The following GAREM1 variants were observed in gnomAD, a reference collection of about 807,000 sequenced individuals.
The protein encoded by GAREM1 is GRB2-associated and regulator of MAPK protein 1.
GAREM1 carries 26 observed loss-of-function variants against 71.3 expected under a neutral mutation model. That is an observed-to-expected ratio of 0.36 (90% confidence interval 0.27 to 0.51). The LOEUF (loss-of-function observed/expected upper bound fraction) is 0.51. GAREM1 is among the 20% of genes least tolerant of loss of function. The probability of loss-of-function intolerance (pLI) is 0.95; values close to 1 mark genes in which losing one functional copy is unlikely to be tolerated. For synonymous variants in GAREM1, 440 were observed against 433.2 expected (o/e 1.02, Z -0.20); for missense variants, 1,026 against 1,103.1 (o/e 0.93, Z 0.99).
intron 1 of GAREM1, among the ~76,000 whole-genome samples, chr18:32,433,179 T>C (rs1380701864): frequency 6.7e-6 from 1 of 148,544 alleles, no homozygotes; most frequent in Admixed American, 6.7e-5. Context: ...CCACACAGGA[T>C]CGTATCAATT....
chr18:32,382,803 G>A (rs1043444484), intron 2 of GAREM1, among the ~76,000 whole-genome samples: 2 of 152,098 alleles, frequency 1.3e-5, no homozygotes, highest in African/African-American at 4.8e-5. Context: ...GGATCAACAA[G>A]ACTCGCTGCA....
chr18:32,336,429 C>CAA lies in GAREM1; in HGVS notation c.263-26108_263-26107dup, dbSNP rs35803922. Among the ~76,000 whole-genome samples the CAA allele has an allele frequency of 1.4e-3, 99 of 72,756 alleles. 1 individual carries two copies. The highest frequency in any genetic ancestry group is 8.2e-3 in the East Asian group (17 of 2,080). The allele number at this position is 72,756 out of a possible 152,430, so 47.7% of individuals were successfully genotyped here. A position where few individuals can be genotyped will look rare whatever the true frequency, so the allele number is the denominator to read the frequency against. On this transcript the variant is annotated intron_variant, in intron 2 of 5. Coordinates refer to ENST00000269209, the MANE Select transcript of GAREM1 (RefSeq NM_001242409.2). The stretch of plus-strand genomic sequence containing the variant: ...TGGGCAACAGAGCGAGACTCCGTCT[C>CAA]AAAAAAAAAAAAAAAAAAAAATCAT...
intron 2 of GAREM1, among the ~76,000 whole-genome samples, chr18:32,333,534 C>T (rs2047557603): frequency 6.6e-6 from 1 of 152,296 alleles, no homozygotes; most frequent in East Asian, 1.9e-4. Flanking sequence ...TGCTGCAATC[C>T]AGTATTCCAA....
intron 3 of GAREM1, among the ~76,000 whole-genome samples, chr18:32,291,942 C>T (rs956136509): frequency 6.6e-6 from 1 of 152,158 alleles, no homozygotes; most frequent in Non-Finnish European, 1.5e-5. Context: ...AACAGTGCTG[C>T]AATAAATATA....
chr18:32,278,874 CT>C (rs1344351064), intron 4 of GAREM1, among the ~76,000 whole-genome samples: 1 of 152,140 alleles, frequency 6.6e-6, no homozygotes, highest in Admixed American at 6.5e-5. Flanking sequence ...GCGTGAGCTT[CT>C]TTTTTCCATT....
rs1005805329 is a variant in GAREM1 at position 32,270,120 on chromosome 18, C to T, written c.1733+97G>A. The T allele has an allele frequency of 9.3e-5, 117 of 1,259,384 alleles. 1 individual carries two copies. Among genetic ancestry groups the T allele is most frequent in the Middle Eastern group, 1.9e-4 (1 of 5,352 alleles). 78.0% of individuals were successfully genotyped at this position (1,259,384 alleles called of 1,614,324 possible). ...TAAAAAGCCATTTCCTCTCCCACCA[C>T]CCTGCCTGTTAGGGCTACCGTGAAA... On this transcript the variant is annotated intron_variant, in intron 5 of 5. Transcript: ENST00000269209.
intron 1 of GAREM1, among the ~76,000 whole-genome samples, chr18:32,449,968 T>C (rs936033294): frequency 6.6e-6 from 1 of 152,134 alleles, no homozygotes; most frequent in African/African-American, 2.4e-5. Context: ...CATAGGAACC[T>C]TTAAAAAGAA....
At chr18:32,284,355 T>C (rs895089701) in intron 4 of GAREM1, among the ~76,000 whole-genome samples, 7 of 152,240 alleles carry the variant, frequency 4.6e-5, no homozygotes, top group Admixed American at 1.3e-4. Context: ...CAGCTTAGAC[T>C]GGAGGCCAAA....
intron 3 of GAREM1, among the ~76,000 whole-genome samples, chr18:32,293,948 G>T (rs139491949): frequency 7.2e-5 from 11 of 152,246 alleles, no homozygotes; most frequent in African/African-American, 2.6e-4. Context: ...AAAATACCTG[G>T]TGTGTATTCT....
At chr18:32,469,443 A>G (rs1157884230) in intron 1 of GAREM1, among the ~76,000 whole-genome samples, 2 of 152,208 alleles carry the variant, frequency 1.3e-5, no homozygotes, top group Non-Finnish European at 2.9e-5. Flanking sequence ...TGAAGTTATG[A>G]TGAAAACAAG....
chr18:32,293,910 C>T (rs2047113234), intron 3 of GAREM1, among the ~76,000 whole-genome samples: 1 of 152,164 alleles, frequency 6.6e-6, no homozygotes, highest in African/African-American at 2.4e-5. Context: ...GAGGAAATAT[C>T]AGACAAACCC....
At chr18:32,431,844 G>T (rs1174710343) in intron 1 of GAREM1, among the ~76,000 whole-genome samples, 1 of 151,956 alleles carries the variant, frequency 6.6e-6, no homozygotes, top group Admixed American at 6.6e-5. Flanking sequence ...GAAAAAAATG[G>T]GATTCAATTG....
chr18:32,326,025 G>A (rs1308273314), intron 2 of GAREM1, among the ~76,000 whole-genome samples: 1 of 152,188 alleles, frequency 6.6e-6, no homozygotes, highest in African/African-American at 2.4e-5. Flanking sequence ...TTACTGAATA[G>A]GAGAAACGTA....
intron 2 of GAREM1, among the ~76,000 whole-genome samples, chr18:32,374,180 GA>G (rs1451558734): frequency 1.4e-4 from 22 of 152,282 alleles, no homozygotes; most frequent in African/African-American, 5.3e-4. Flanking sequence ...GTAGATATTA[GA>G]AAAGTGACAC....
intron 2 of GAREM1, among the ~76,000 whole-genome samples, chr18:32,376,806 C>G (rs917182487): frequency 6.6e-6 from 1 of 152,144 alleles, no homozygotes; most frequent in African/African-American, 2.4e-5. Flanking sequence ...CCATTGCACT[C>G]CAGCCTGGGC....
At chr18:32,386,721 C>A (rs2048150377) in intron 2 of GAREM1, among the ~76,000 whole-genome samples, 1 of 152,070 alleles carries the variant, frequency 6.6e-6, no homozygotes, top group Non-Finnish European at 1.5e-5. Context: ...ATTGGCAGAC[C>A]ACTGATATAT....
intron 2 of GAREM1, among the ~76,000 whole-genome samples, chr18:32,348,484 G>C (rs753141850): frequency 6.6e-6 from 1 of 152,204 alleles, no homozygotes; most frequent in African/African-American, 2.4e-5. Context: ...AGCACTTTGG[G>C]AGGCTGAAGT....
intron 2 of GAREM1, among the ~76,000 whole-genome samples, chr18:32,379,460 CG>C (rs5823843): frequency 0.29 from 19,537 of 66,410 alleles, 2,126 homozygotes; most frequent in African/African-American, 0.45. Flanking sequence ...TTTGGGAGGC[CG>C]GGGGGGGTGG....
intron 1 of GAREM1, among the ~76,000 whole-genome samples, chr18:32,411,653 G>C (rs1270261030): frequency 7.2e-5 from 11 of 152,060 alleles, no homozygotes; most frequent in Admixed American, 7.2e-4. Context: ...ACCATTCCAT[G>C]ACTTTGTTTG....
Sources: allele counts gnomAD v4.1 joint callset (sites outside exome capture counted in the v4.1 genomes callset), GRCh38; gene constraint gnomAD v4.1.1; transcripts MANE v1.5; gene names NCBI Gene and HGNC (gene_info 2026-07-23, HGNC 2026-07-21).